The following MYH15 variants were observed in gnomAD, a reference collection of about 807,000 sequenced individuals.
MYH15 encodes myosin-15.
A neutral mutation model predicts 240.5 loss-of-function variants in MYH15; 227 were observed. That is an observed-to-expected ratio of 0.94 (90% CI 0.85 to 1.05). The LOEUF (loss-of-function observed/expected upper bound fraction) is 1.05, where lower values mean the gene tolerates loss of function less well. Ranked by LOEUF, MYH15 falls within the 50% of genes least tolerant of loss-of-function variation. The probability of loss-of-function intolerance (pLI) is 0.00; values close to 1 mark genes in which losing one functional copy is unlikely to be tolerated. For synonymous variants in MYH15, 785 were observed against 796.7 expected (o/e 0.99, Z 0.25); for missense variants, 2,217 against 2,247.5 (o/e 0.99, Z 0.27).
chr3:108,532,441 T>C (rs2083718032), upstream of MYH15, among the ~76,000 whole-genome samples: 1 of 152,182 alleles, frequency 6.6e-6, no homozygotes, highest in African/African-American at 2.4e-5. Context: ...TAAAACATTG[T>C]CTCTTCTTGA....
At chr3:108,425,708 G>C (rs1052222550) in intron 27 of MYH15, among the ~76,000 whole-genome samples, 9 of 152,184 alleles carry the variant, frequency 5.9e-5, no homozygotes, top group African/African-American at 1.9e-4. Flanking sequence ...GAGGTAGTGA[G>C]ATACACACCT....
chr3:108,500,326 G>A, intron 3 of MYH15, 52 bp from the exon 4 acceptor site: 1 of 1,556,278 alleles, frequency 6.4e-7, no homozygotes, highest in Non-Finnish European at 8.7e-7. Context: ...ATACTTCCAG[G>A]TTTGTCAGCT....
chr3:108,502,226 A>T (rs550707490), intron 2 of MYH15, among the ~76,000 whole-genome samples: 3 of 152,316 alleles, frequency 2.0e-5, no homozygotes, highest in African/African-American at 7.2e-5. Context: ...ATTTAAAAGA[A>T]GAAACTTAGA....
At chr3:108,433,161 T>A (rs949023217) in intron 25 of MYH15, among the ~76,000 whole-genome samples, 12 of 152,172 alleles carry the variant, frequency 7.9e-5, no homozygotes, top group African/African-American at 2.9e-4. Flanking sequence ...TGCATCGGTG[T>A]GCCCTGGATG....
chr3:108,507,264 T>TGA (rs11276092), intron 1 of MYH15, among the ~76,000 whole-genome samples: 19,606 of 115,326 alleles, frequency 0.17, 2,720 homozygotes, highest in East Asian at 0.51. Context: ...TATATATATA[T>TGA]ATATATATAT....
In MYH15 at chr3:108,384,699, T is replaced by C; in HGVS notation, c.5619A>G (p.Gln1873=). 1 of 1,613,664 alleles carries C rather than the reference T, an allele frequency of 6.2e-7. No homozygotes were observed. Among genetic ancestry groups the C allele is most frequent in the Middle Eastern group, 1.7e-4 (1 of 6,056 alleles). ...CCCAGGCACTCACCGCCACCTCGAC[T>C]TGCTGCTTGTAATTTTGCACTTTTA... The part of the protein sequence containing the change: ...LQLKVQNYKQ[Q]VEVAETQANQ... Residue 1873 remains glutamine, a synonymous_variant, in exon 39 of 41, where the codon CAA becomes CAG. Coordinates refer to ENST00000693548, the MANE Select transcript of MYH15 (RefSeq NM_014981.3).
At chr3:108,392,020 G>T in intron 36 of MYH15, 90 bp from the exon 37 acceptor site, 1 of 1,410,186 alleles carries the variant, frequency 7.1e-7, no homozygotes, top group Non-Finnish European at 9.8e-7. Flanking sequence ...GGTCTGACTG[G>T]CTGCCACGCC....
intron 20 of MYH15, among the ~76,000 whole-genome samples, chr3:108,455,093 T>C (rs1408940915): frequency 6.6e-6 from 1 of 152,226 alleles, no homozygotes; most frequent in Non-Finnish European, 1.5e-5. Context: ...GTCTTTATCC[T>C]GAATTTTTTA....
In MYH15 at chr3:108,463,126, T is replaced by C. The variant is rs753869502; in HGVS notation, c.1849A>G (p.Met617Val). Residue 617 changes from methionine to valine, a missense_variant, in exon 16 of 41, where the codon ATG (methionine) becomes GTG (valine). Physicochemically the swap from Met to Val is conservative, Grantham distance 21. Coordinates refer to ENST00000693548, the MANE Select transcript of MYH15 (RefSeq NM_014981.3). ...RLLASLFENY[M>V]STDSAIPFGE... Reference sequence around the variant, plus strand: ...TATGACTCACCACTGTCAGTACTCATGTAATTTTCAAAAAGGCTCGCCAGG... The same window carrying C: ...TATGACTCACCACTGTCAGTACTCACGTAATTTTCAAAAAGGCTCGCCAGG... 12 of 1,611,098 alleles carry C rather than the reference T, an allele frequency of 7.4e-6. No individual in the cohort carries two copies. In the East Asian group the frequency reaches 1.3e-4, roughly 18 times the overall value.
intron 2 of MYH15, among the ~76,000 whole-genome samples, chr3:108,503,190 T>G (rs1016164239): frequency 6.6e-6 from 1 of 152,192 alleles, no homozygotes; most frequent in African/African-American, 2.4e-5. Flanking sequence ...CAGACTCTTC[T>G]TTCTACCTGC....
intron 28 of MYH15, 121 bp downstream of exon 28, chr3:108,420,967 C>T (rs2082677528): frequency 7.2e-7 from 1 of 1,386,470 alleles, no homozygotes; most frequent in Non-Finnish European, 9.9e-7. Flanking sequence ...AGGCTGCATT[C>T]CTCCCCTAGG....
rs1231219112 is a variant in MYH15, at chr3:108,414,676, AC to A, written c.3949-249del. 6.6e-5 allele frequency among the ~76,000 whole-genome samples: 10 copies of A among 152,196 alleles called. No homozygotes were observed. The East Asian group carries it at 1.9e-3, about 29-fold the overall frequency. On this transcript the variant is annotated intron_variant, in intron 29 of 40. Transcript: ENST00000693548. ...GAGAAATGCCAGCTTGGCTCTGTGG[AC>A]TTAGACAGGCCTGGAATTCTAGAAA...
the MYH15 span, among the ~76,000 whole-genome samples, chr3:108,540,711 G>A: frequency 6.6e-6 from 1 of 152,024 alleles, no homozygotes; most frequent in East Asian, 1.9e-4. Flanking sequence ...TGCTTAATGG[G>A]AAAACACTAA....
chr3:108,484,083 T>C (rs978315539), intron 11 of MYH15, among the ~76,000 whole-genome samples: 2 of 152,218 alleles, frequency 1.3e-5, no homozygotes, highest in African/African-American at 4.8e-5. Flanking sequence ...GTAAATTGTA[T>C]GTTATATATA....
At chr3:108,491,588 G>A (rs1168279248) in intron 9 of MYH15, among the ~76,000 whole-genome samples, 1 of 151,658 alleles carries the variant, frequency 6.6e-6, no homozygotes, top group Non-Finnish European at 1.5e-5. Flanking sequence ...ATCTCATACT[G>A]GGACATTTGC....
At chr3:108,498,176 C>G (rs574388225) in intron 5 of MYH15, 31 bp from the exon 6 acceptor site, 1 of 1,593,458 alleles carries the variant, frequency 6.3e-7, no homozygotes, top group East Asian at 2.2e-5. Flanking sequence ...ATACAGTTAA[C>G]TGGTTCTGAT....
Position 108,485,089 on chromosome 3 carries a change from A to C in MYH15, c.1114+2T>G, listed in dbSNP as rs757481605. 6.2e-7 allele frequency: 1 copy of C among 1,613,804 alleles called. No individual in the cohort carries two copies. Among genetic ancestry groups the C allele is most frequent in the Non-Finnish European group, 8.5e-7 (1 of 1,179,882 alleles). ...ATACCATATCTTCAAAGTAATTCTT[A>C]CTTTCTGTGCCATCTGCTTCCAGTT... is the stretch of plus-strand genomic sequence containing the variant. On this transcript the variant is annotated splice_donor_variant, in intron 11 of 40. Coordinates refer to ENST00000693548, the MANE Select transcript of MYH15 (RefSeq NM_014981.3). LOFTEE classifies it high-confidence loss of function.
At chr3:108,476,270 T>C in intron 12 of MYH15, 127 bp downstream of exon 12, 1 of 572,594 alleles carries the variant, frequency 1.7e-6, no homozygotes, top group Non-Finnish European at 3.0e-6. Context: ...CCAAGAGCTC[T>C]TTTTTGCTTA....
In MYH15 at chr3:108,486,374, T is replaced by C. The variant is rs554713666; in HGVS notation, c.975+49A>G. ...CAGAACTCTAAGATTCTGTCTTTCA[T>C]TTCTCATTGCCATTACCAGATTTTG... On this transcript the variant is annotated intron_variant, in intron 10 of 40. Transcript: ENST00000693548. 3.1e-5 allele frequency: 45 copies of C among 1,457,864 alleles called. No individual in the cohort carries two copies. The African/African-American group carries it at 6.0e-4, about 19-fold the overall frequency. The allele number at this position is 1,457,864 out of a possible 1,614,324, so 90.3% of individuals were successfully genotyped here. A position where few individuals can be genotyped will look rare whatever the true frequency, so the allele number is the denominator to read the frequency against.
Sources: allele counts gnomAD v4.1 joint callset (sites outside exome capture counted in the v4.1 genomes callset), GRCh38; gene constraint gnomAD v4.1.1; transcripts MANE v1.5; gene names NCBI Gene and HGNC (gene_info 2026-07-23, HGNC 2026-07-21).